STAU1: variants seen among roughly 807,000 people sequenced by gnomAD.
The protein encoded by STAU1 is staufen double-stranded RNA binding protein 1, also known as double-stranded RNA-binding protein Staufen homolog 1.
Under a neutral mutation model 62.9 loss-of-function variants are expected in STAU1, and 13 were observed. The observed-to-expected ratio is 0.21, with a 90% CI of 0.13 to 0.33. STAU1 has a LOEUF of 0.33. Ranked by LOEUF, STAU1 falls within the 10% of genes least tolerant of loss-of-function variation. The pLI, the probability that STAU1 is intolerant of heterozygous loss-of-function variation, is 1.00. For synonymous variants in STAU1, 269 were observed against 265.1 expected (o/e 1.01, Z -0.14); for missense variants, 571 against 712.1 (o/e 0.80, Z 2.25).
intron 1 of STAU1, among the ~76,000 whole-genome samples, chr20:49,177,635 C>T (rs896510721): frequency 5.3e-5 from 8 of 152,036 alleles, no homozygotes; most frequent in African/African-American, 1.9e-4. Flanking sequence ...GCCGAGATCA[C>T]ACCACTGCAC....
At chr20:49,169,856 T>G (rs1028030530) in intron 2 of STAU1, among the ~76,000 whole-genome samples, 3 of 152,204 alleles carry the variant, frequency 2.0e-5, no homozygotes, top group Non-Finnish European at 4.4e-5. Flanking sequence ...ATAGCATACA[T>G]AAGCACCATA....
intron 1 of STAU1, among the ~76,000 whole-genome samples, chr20:49,177,508 C>T (rs920447865): frequency 6.6e-6 from 1 of 151,852 alleles, no homozygotes; most frequent in South Asian, 2.1e-4. Context: ...GAAACCCCGT[C>T]TCTACTAAAA....
intron 5 of STAU1, among the ~76,000 whole-genome samples, chr20:49,142,076 A>G (rs1232784840): frequency 1.3e-5 from 2 of 151,762 alleles, no homozygotes; most frequent in African/African-American, 4.8e-5. Flanking sequence ...CAACAACAAC[A>G]ACAAATATTT....
At chr20:49,163,552 A>G (rs2093482416) in intron 3 of STAU1, among the ~76,000 whole-genome samples, 1 of 150,640 alleles carries the variant, frequency 6.6e-6, no homozygotes, top group Non-Finnish European at 1.5e-5. Flanking sequence ...CACCCTCCCA[A>G]GTAGCTGGGA....
rs373058957 is a variant in STAU1 at position 49,177,014 on chromosome 20, C to T, written c.-159-2745G>A. 3.3e-4 allele frequency among the ~76,000 whole-genome samples: 50 copies of T among 151,602 alleles called. No homozygotes were observed. In the East Asian group the frequency reaches 3.9e-3, roughly 12 times the overall value. On this transcript the variant is annotated intron_variant, in intron 1 of 13. Transcript: ENST00000371856. The stretch of plus-strand genomic sequence containing the variant: ...GCAACCTCCGCCTCCCGGGTTCAAG[C>T]GATTCTCCTGCCTCAGCCTCCCGAG...
At chr20:49,142,370 G>T (rs182203992) in intron 5 of STAU1, among the ~76,000 whole-genome samples, 1 of 152,074 alleles carries the variant, frequency 6.6e-6, no homozygotes, top group Non-Finnish European at 1.5e-5. Context: ...TTACAGGCGT[G>T]AGCCACCGTG....
At chr20:49,158,279 C>T (rs534312550) in intron 3 of STAU1, among the ~76,000 whole-genome samples, 1 of 151,844 alleles carries the variant, frequency 6.6e-6, no homozygotes, top group African/African-American at 2.4e-5. Context: ...AGTAAAACTC[C>T]GTCTCAAAAA....
chr20:49,137,408 A>T (rs188195843), intron 5 of STAU1, among the ~76,000 whole-genome samples: 133 of 152,308 alleles, frequency 8.7e-4, no homozygotes, highest in Admixed American at 2.5e-3. Flanking sequence ...CATGGATTTT[A>T]TACTGTGCTG....
At chr20:49,157,539 G>A (rs1207184368) in intron 3 of STAU1, among the ~76,000 whole-genome samples, 2 of 151,686 alleles carry the variant, frequency 1.3e-5, no homozygotes, top group South Asian at 2.1e-4. Context: ...GAGTGTAGTG[G>A]CATGATCTCA....
intron 5 of STAU1, among the ~76,000 whole-genome samples, chr20:49,149,290 AC>A (rs1555851176): frequency 1.4e-5 from 2 of 147,324 alleles, no homozygotes; most frequent in Non-Finnish European, 3.0e-5. Flanking sequence ...ACACACACAC[AC>A]CAGCAAGAAC....
At chr20:49,131,937 A>C (rs1036258338) in intron 6 of STAU1, among the ~76,000 whole-genome samples, 1 of 152,078 alleles carries the variant, frequency 6.6e-6, no homozygotes, top group Non-Finnish European at 1.5e-5. Flanking sequence ...TCATTGTCCT[A>C]TTCTTGTAAC....
chr20:49,140,485 G>C (rs1285140851), intron 5 of STAU1, among the ~76,000 whole-genome samples: 1 of 151,998 alleles, frequency 6.6e-6, no homozygotes, highest in Admixed American at 6.6e-5. Context: ...AAAAAGAAAT[G>C]AAATTCTGAA....
chr20:49,135,269 T>TC (rs2092852797), intron 6 of STAU1, among the ~76,000 whole-genome samples: 1 of 152,248 alleles, frequency 6.6e-6, no homozygotes. Context: ...CTTACCTCCC[T>TC]CGTCCATTTG....
the STAU1 span, among the ~76,000 whole-genome samples, chr20:49,198,259 TA>T: frequency 6.6e-6 from 1 of 152,160 alleles, no homozygotes; most frequent in Non-Finnish European, 1.5e-5. Context: ...CTCACGACTG[TA>T]ATGCCAGCAC....
chr20:49,193,970 AAAG>A, the STAU1 span, among the ~76,000 whole-genome samples: 1 of 36,066 alleles, frequency 2.8e-5, no homozygotes, highest in Non-Finnish European at 1.1e-4. Context: ...ATCTCAGAAA[AAAG>A]AAAAAAAAAA....
intron 3 of STAU1, among the ~76,000 whole-genome samples, chr20:49,160,813 T>C (rs2093436203): frequency 6.6e-6 from 1 of 152,186 alleles, no homozygotes; most frequent in African/African-American, 2.4e-5. Context: ...TCAAACCTTT[T>C]GCCCAGATTG....
chr20:49,135,917 T>G lies in STAU1; in HGVS notation c.525A>C (p.Glu175Asp). ...ATTTATTGAGATTTTCTTCTTCGGA[T>G]TCTCTTCCATTCACCTGTAAGAATA... ...LPERLEVNGRESEEENLNKSE... is the reference protein window; with the variant it reads ...LPERLEVNGRDSEEENLNKSE... The change falls in exon 6 of 14, where the codon GAA becomes GAC. Residue 175 changes from glutamate (E) to aspartate (D), a missense_variant. Physicochemically the swap from Glu to Asp is conservative, Grantham distance 45. Transcript: ENST00000371856. 2 of 1,613,096 alleles carry G rather than the reference T, an allele frequency of 1.2e-6. No individual in the cohort carries two copies. Among genetic ancestry groups the G allele is most frequent in the Non-Finnish European group, 1.7e-6 (2 of 1,179,352 alleles).
At chr20:49,182,646 A>G (rs533582148) in intron 1 of STAU1, among the ~76,000 whole-genome samples, 5 of 152,210 alleles carry the variant, frequency 3.3e-5, no homozygotes, top group East Asian at 1.9e-4. Context: ...AGACCATTCT[A>G]GCTAACACGG....
At chr20:49,115,140 A>G (rs2145794720) in intron 13 of STAU1, among the ~76,000 whole-genome samples, 1 of 151,994 alleles carries the variant, frequency 6.6e-6, no homozygotes, top group East Asian at 1.9e-4. Context: ...GTATAAAGAA[A>G]CATACAGGAA....
Sources: allele counts gnomAD v4.1 joint callset (sites outside exome capture counted in the v4.1 genomes callset), GRCh38; gene constraint gnomAD v4.1.1; transcripts MANE v1.5; gene names NCBI Gene and HGNC (gene_info 2026-07-23, HGNC 2026-07-21).